Variants in RCBTB1 observed in about 807,000 individuals in gnomAD.
RCBTB1 encodes RCC1 and BTB domain containing protein 1, also known as RCC1 and BTB domain-containing protein 1.
A neutral mutation model predicts 62.4 loss-of-function variants in RCBTB1; 46 were observed. The observed-to-expected ratio is 0.74, with a 90% CI of 0.58 to 0.94. The LOEUF is 0.94. Among genes scored for constraint, RCBTB1 ranks in the 40% least tolerant of loss-of-function variants. The probability of loss-of-function intolerance (pLI) is 0.00; values close to 1 mark genes in which losing one functional copy is unlikely to be tolerated. For synonymous variants in RCBTB1, 222 were observed against 245.8 expected, an observed-to-expected ratio of 0.90 and a Z score of 0.91; for missense variants, 565 against 654.9, an observed-to-expected ratio of 0.86 and a Z score of 1.50.
At chr13:49,550,343 G>T in intron 8 of RCBTB1, 1 of 558,978 alleles carries the variant, frequency 1.8e-6, no homozygotes, top group Non-Finnish European at 2.3e-6. Flanking sequence ...TCATTGGGCT[G>T]ATAAGCATTG....
chr13:49,547,260 C>T, intron 9 of RCBTB1: 4 of 1,062,222 alleles, frequency 3.8e-6, no homozygotes, highest in Non-Finnish European at 5.0e-6. Flanking sequence ...CACTTTAAGG[C>T]AAGCTTAACT....
chr13:49,575,914 G>A (rs1309523864), intron 2 of RCBTB1, among the ~76,000 whole-genome samples: 3 of 152,130 alleles, frequency 2.0e-5, no homozygotes, highest in Non-Finnish European at 4.4e-5. Context: ...TGGGTCAGGT[G>A]TGGTGGCTCA....
At position 49,534,131 on chromosome 13, in the gene RCBTB1, A is replaced by G. The variant is rs1363605917; in HGVS notation, c.1587T>C (p.Phe529=). Residue 529 remains phenylalanine, a synonymous_variant, in exon 13 of 13, where the codon TTT becomes TTC. Transcript: ENST00000378302. The part of the protein sequence containing the change: ...FIAKASKCGA[F]KN Reference sequence around the variant, plus strand: ...CCAGCAGCCTTGCGCTTCAGTTCTTAAAGGCTCCACATTTACTGGCTTTAG... The same window carrying G: ...CCAGCAGCCTTGCGCTTCAGTTCTTGAAGGCTCCACATTTACTGGCTTTAG... 1 of 1,613,864 alleles carries G rather than the reference A, an allele frequency of 6.2e-7. No homozygotes were observed. The highest frequency in any genetic ancestry group is 1.3e-5 in the African/African-American group (1 of 75,022).
intron 4 of RCBTB1, among the ~76,000 whole-genome samples, chr13:49,560,662 C>A (rs2139235644): frequency 6.7e-6 from 1 of 148,262 alleles, no homozygotes; most frequent in South Asian, 2.1e-4. Context: ...CTCATTTATT[C>A]TGTGTCAGGA....
At chr13:49,583,873 AAAACCAGAG>A (rs1964246965) in intron 1 of RCBTB1, among the ~76,000 whole-genome samples, 1 of 152,116 alleles carries the variant, frequency 6.6e-6, no homozygotes, top group Non-Finnish European at 1.5e-5. Context: ...AACTTTTTGT[AAAACCAGAG>A]AATATTTTGA....
rs568846301 is a variant in RCBTB1 at position 49,564,107 on chromosome 13, C to G, written c.277+2511G>C. On this transcript the variant is annotated intron_variant, in intron 4 of 12. Transcript: ENST00000378302. The stretch of plus-strand genomic sequence containing the variant: ...AGTACAGATCGATTACACACACATA[C>G]AAAATGTCCACTCTCCCTTAGTGAT... 6.1e-4 allele frequency among the ~76,000 whole-genome samples: 93 copies of G among 152,242 alleles called. 1 individual carries two copies. The highest frequency in any genetic ancestry group is 5.2e-3 in the South Asian group (25 of 4,822).
intron 6 of RCBTB1, among the ~76,000 whole-genome samples, 181 bp from the exon 7 acceptor site, chr13:49,552,466 A>G (rs1195535340): frequency 6.6e-6 from 1 of 152,142 alleles, no homozygotes; most frequent in African/African-American, 2.4e-5. Flanking sequence ...AATTGGCATC[A>G]GTTTCTACTC....
intron 1 of RCBTB1, among the ~76,000 whole-genome samples, chr13:49,585,051 C>G (rs543291274): frequency 1.3e-5 from 2 of 152,274 alleles, no homozygotes; most frequent in Admixed American, 6.5e-5. Context: ...ATGCTAAGAT[C>G]TTGGAAAGGA....
chr13:49,584,376 A>T (rs897552144), intron 1 of RCBTB1, among the ~76,000 whole-genome samples: 2 of 152,240 alleles, frequency 1.3e-5, no homozygotes, highest in Non-Finnish European at 2.9e-5. Flanking sequence ...CACACAATGG[A>T]TTAAATGGAT....
At chr13:49,569,507 T>C (rs977547813) in intron 2 of RCBTB1, among the ~76,000 whole-genome samples, 1 of 151,634 alleles carries the variant, frequency 6.6e-6, no homozygotes, top group South Asian at 2.1e-4. Flanking sequence ...AGGTCAAGAG[T>C]TCGTGACCAG....
At position 49,552,022 on chromosome 13, in the gene RCBTB1, G is replaced by A. The variant is rs185817502; in HGVS notation, c.711+156C>T. On this transcript the variant is annotated intron_variant, in intron 7 of 12. Coordinates refer to ENST00000378302, the MANE Select transcript of RCBTB1 (RefSeq NM_018191.4). ...CAACACCATAGTCTTGCTTCTCCTC[G>A]TGGGAAATTAGGGAAGATATAATAT... 5.4e-5 allele frequency among the ~76,000 whole-genome samples: 8 copies of A among 147,770 alleles called. No homozygotes were observed. The East Asian group carries it at 7.9e-4, about 15-fold the overall frequency.
rs2139102937 is a variant in RCBTB1 at position 49,534,078 on chromosome 13, A to C, written c.*44T>G. 4 of 1,589,016 alleles carry C rather than the reference A, an allele frequency of 2.5e-6. No individual in the cohort carries two copies. The East Asian group carries it at 9.0e-5, about 36-fold the overall frequency. On this transcript the variant is annotated 3_prime_UTR_variant, in exon 13 of 13. Coordinates refer to ENST00000378302, the MANE Select transcript of RCBTB1 (RefSeq NM_018191.4). The stretch of plus-strand genomic sequence containing the variant: ...AGAGCACAAACTGGACACATCCTCA[A>C]CAGTGCCCCAGAGCACTCACACAGA...
rs917931429 is a variant in RCBTB1, at chr13:49,549,378, A to C, written c.1045+80T>G. On this transcript the variant is annotated intron_variant, in intron 9 of 12. Coordinates refer to ENST00000378302, the MANE Select transcript of RCBTB1 (RefSeq NM_018191.4). ...AGAATAAAACATTCTGAGAGATCCC[A>C]AAACCAGCAAAGACACAGGAAAACT... The C allele has an allele frequency of 2.1e-5, 29 of 1,408,812 alleles. No individual in the cohort carries two copies. The African/African-American group carries it at 4.2e-4, about 20-fold the overall frequency. 87.3% of individuals were successfully genotyped at this position (1,408,812 alleles called of 1,614,324 possible).
chr13:49,582,728 G>C (rs954280557), intron 1 of RCBTB1, among the ~76,000 whole-genome samples: 2 of 152,170 alleles, frequency 1.3e-5, no homozygotes, highest in Non-Finnish European at 2.9e-5. Flanking sequence ...AGTATTTACT[G>C]TCTTTTGTAT....
Position 49,532,367 on chromosome 13 carries a change from CTTT to C in RCBTB1, c.*1752_*1754del, listed in dbSNP as rs1237783485. The C allele has an allele frequency of 6.6e-6, 1 of 151,932 alleles. No homozygotes were observed. Among genetic ancestry groups the C allele is most frequent in the East Asian group, 1.9e-4 (1 of 5,168 alleles). 9.4% of individuals were successfully genotyped at this position (151,932 alleles called of 1,614,324 possible). ...TATGAATTTACTACTTTAATTTGTG[CTTT>C]TTTTGAAAAAAAGTTTTCAAGTAAG... is the stretch of plus-strand genomic sequence containing the variant. On this transcript the variant is annotated 3_prime_UTR_variant, in exon 13 of 13. Coordinates refer to ENST00000378302, the MANE Select transcript of RCBTB1 (RefSeq NM_018191.4).
intron 4 of RCBTB1, among the ~76,000 whole-genome samples, chr13:49,560,763 T>C (rs1566247278): frequency 6.6e-6 from 1 of 152,130 alleles, no homozygotes; most frequent in Non-Finnish European, 1.5e-5. Flanking sequence ...GACTTGAGAG[T>C]TGAGGACTAG....
intron 2 of RCBTB1, among the ~76,000 whole-genome samples, chr13:49,568,141 TA>T (rs1963151344): frequency 6.6e-6 from 1 of 152,200 alleles, no homozygotes; most frequent in Non-Finnish European, 1.5e-5. Context: ...TGTGTATCTT[TA>T]AAAACAGAAG....
Position 49,567,397 on chromosome 13 carries a change from AAT to A in RCBTB1, c.-41-79_-41-78del, listed in dbSNP as rs1214635446. The A allele has an allele frequency of 3.9e-5, 40 of 1,030,694 alleles. No individual in the cohort carries two copies. In the East Asian group the frequency reaches 9.5e-4, roughly 24 times the overall value. 63.8% of individuals were successfully genotyped at this position (1,030,694 alleles called of 1,614,324 possible). On this transcript the variant is annotated intron_variant, in intron 2 of 12. Transcript: ENST00000378302. The stretch of plus-strand genomic sequence containing the variant: ...CTTTCAAAAAAAAGACCTGTTAATA[AAT>A]ACTAACAAAAGCTGATTCTAGAATA...
At chr13:49,583,032 T>A (rs985679326) in intron 1 of RCBTB1, among the ~76,000 whole-genome samples, 1 of 151,720 alleles carries the variant, frequency 6.6e-6, no homozygotes, top group Non-Finnish European at 1.5e-5. Flanking sequence ...AAAAAATTAG[T>A]CGAATGTGGT....
Sources: gnomAD v4.1 joint callset for allele counts (sites outside exome capture counted in the v4.1 genomes callset) on GRCh38, gnomAD v4.1.1 for gene constraint, MANE v1.5 for transcripts, NCBI Gene and HGNC (gene_info 2026-07-23, HGNC 2026-07-21) for gene names.